The following SEC24D variants were observed in gnomAD, a reference collection of about 807,000 sequenced individuals.
SEC24D encodes SEC24 homolog D, COPII component, also known as protein transport protein Sec24D.
A neutral mutation model predicts 116.9 loss-of-function variants in SEC24D; 69 were observed. The ratio of observed to expected loss-of-function variants is 0.59; its 90% CI spans 0.49 to 0.72. The LOEUF (loss-of-function observed/expected upper bound fraction) is 0.72. Among genes scored for constraint, SEC24D ranks in the 30% least tolerant of loss-of-function variants. The pLI is 0.00. For missense variants in SEC24D, 1,131 were observed against 1,264.1 expected, an observed-to-expected ratio of 0.89 and a Z score of 1.60; for synonymous variants, 405 against 442.8, an observed-to-expected ratio of 0.91 and a Z score of 1.07.
chr4:118,813,100 G>C (rs528577725), intron 6 of SEC24D, among the ~76,000 whole-genome samples: 1 of 152,312 alleles, frequency 6.6e-6, no homozygotes, highest in South Asian at 2.1e-4. Context: ...TTCAGAGGAG[G>C]AGCTTATCCT....
At chr4:118,812,870 C>A (rs537738034) in intron 6 of SEC24D, among the ~76,000 whole-genome samples, 2 of 152,212 alleles carry the variant, frequency 1.3e-5, no homozygotes, top group African/African-American at 4.8e-5. Flanking sequence ...CCCTGTAACA[C>A]ACGCCCACTG....
intron 19 of SEC24D, among the ~76,000 whole-genome samples, chr4:118,734,439 C>G (rs1440871714): frequency 6.6e-6 from 1 of 152,030 alleles, no homozygotes; most frequent in African/African-American, 2.4e-5. Flanking sequence ...TCTCAAACTC[C>G]TGACCTCAAG....
intron 22 of SEC24D, among the ~76,000 whole-genome samples, chr4:118,725,884 A>G (rs544922696): frequency 6.6e-6 from 1 of 152,274 alleles, no homozygotes; most frequent in East Asian, 1.9e-4. Context: ...TCGTCTCTTC[A>G]AGGGGCACAC....
At chr4:118,822,685 C>T (rs1234165787) in intron 3 of SEC24D, among the ~76,000 whole-genome samples, 1 of 152,084 alleles carries the variant, frequency 6.6e-6, no homozygotes, top group African/African-American at 2.4e-5. Context: ...AATCCTCCCA[C>T]CTCAGCCTCC....
intron 8 of SEC24D, among the ~76,000 whole-genome samples, chr4:118,773,064 CCT>C (rs2110478001): frequency 6.6e-6 from 1 of 152,182 alleles, no homozygotes; most frequent in African/African-American, 2.4e-5. Flanking sequence ...CCTACTTTCC[CCT>C]CTCTTTCTAA....
At chr4:118,739,731 G>C (rs953406869) in intron 17 of SEC24D, among the ~76,000 whole-genome samples, 7 of 152,160 alleles carry the variant, frequency 4.6e-5, no homozygotes, top group Non-Finnish European at 1.0e-4. Flanking sequence ...AGAATGCATA[G>C]ATAGAAGCAT....
chr4:118,769,060 A>G lies in SEC24D; in HGVS notation c.1042-749T>C, dbSNP rs112443721. On this transcript the variant is annotated intron_variant, in intron 8 of 22. Transcript: ENST00000280551. Reference sequence around the variant, plus strand: ...TAGTTTGCATAGCAGTATGCTGTCTATGTAGTTCCCCCAAAGCACATAAAC... The same window carrying G: ...TAGTTTGCATAGCAGTATGCTGTCTGTGTAGTTCCCCCAAAGCACATAAAC... Among the ~76,000 whole-genome samples the G allele has an allele frequency of 9.1e-3, 1,386 of 152,306 alleles. 29 individuals are homozygous for G. Among genetic ancestry groups the G allele is most frequent in the African/African-American group, 0.032 (1,338 of 41,560 alleles).
chr4:118,735,168 G>A (rs1219347405), intron 19 of SEC24D, among the ~76,000 whole-genome samples: 2 of 152,142 alleles, frequency 1.3e-5, no homozygotes, highest in African/African-American at 4.8e-5. Context: ...TCTAATCAGA[G>A]GAGATTGGAT....
At chr4:118,806,414 C>A (rs959792345) in intron 6 of SEC24D, among the ~76,000 whole-genome samples, 67 of 151,906 alleles carry the variant, frequency 4.4e-4, no homozygotes, top group African/African-American at 1.6e-3. Flanking sequence ...TAGCTCACTG[C>A]AGCCTTCACC....
At chr4:118,832,423 T>C (rs1730899574) in intron 2 of SEC24D, among the ~76,000 whole-genome samples, 1 of 151,966 alleles carries the variant, frequency 6.6e-6, no homozygotes, top group African/African-American at 2.4e-5. Context: ...AACTATGGAG[T>C]GTAAACTATG....
intron 3 of SEC24D, among the ~76,000 whole-genome samples, chr4:118,821,911 C>A (rs1450376613): frequency 1.3e-5 from 2 of 152,212 alleles, no homozygotes; most frequent in Non-Finnish European, 2.9e-5. Context: ...AACCCCAATT[C>A]TAACCTTCAA....
chr4:118,733,005 T>C, intron 19 of SEC24D, 93 bp from the exon 20 acceptor site: 1 of 1,147,358 alleles, frequency 8.7e-7, no homozygotes, highest in Non-Finnish European at 1.3e-6. Context: ...TATTTGCTTC[T>C]GAACTTGTAA....
At chr4:118,782,974 G>A (rs1440996429) in intron 8 of SEC24D, among the ~76,000 whole-genome samples, 4 of 152,134 alleles carry the variant, frequency 2.6e-5, no homozygotes, top group Non-Finnish European at 5.9e-5. Context: ...CAGTATTTTG[G>A]TGGGGATGTT....
chr4:118,739,306 G>C lies in SEC24D; in HGVS notation c.2239-19C>G, dbSNP rs1420439313. ...CAGCACACTGTAGAAGCAACATTGA[G>C]GTCACATGTTTTTCTGATTAACATA... On this transcript the variant is annotated intron_variant, in intron 17 of 22. Transcript: ENST00000280551. 4 of 1,600,194 alleles carry C rather than the reference G, an allele frequency of 2.5e-6. No individual in the cohort carries two copies.
intron 8 of SEC24D, among the ~76,000 whole-genome samples, chr4:118,771,778 G>C (rs1163434761): frequency 6.6e-6 from 1 of 152,118 alleles, no homozygotes; most frequent in Non-Finnish European, 1.5e-5. Context: ...CTTCTTATTT[G>C]AATACATTAT....
In SEC24D at chr4:118,812,521, GC is replaced by G. The variant is rs575783658; in HGVS notation, c.801+2506del. ...ACATCAGCGGATAAAGATACAAGCA[GC>G]TGGACAGCGAGAGGACGTGGAGGGA... On this transcript the variant is annotated intron_variant, in intron 6 of 22. Coordinates refer to ENST00000280551, the MANE Select transcript of SEC24D (RefSeq NM_014822.4). 2.8e-4 allele frequency among the ~76,000 whole-genome samples: 42 copies of G among 152,242 alleles called. No homozygotes were observed. The South Asian group carries it at 8.5e-3, about 31-fold the overall frequency.
At chr4:118,746,050 C>G (rs1726509251) in intron 13 of SEC24D, among the ~76,000 whole-genome samples, 1 of 151,994 alleles carries the variant, frequency 6.6e-6, no homozygotes, top group Non-Finnish European at 1.5e-5. Context: ...GTGATGCATG[C>G]TTGTAGTCTC....
intron 7 of SEC24D, among the ~76,000 whole-genome samples, chr4:118,799,866 G>A (rs192462388): frequency 3.1e-4 from 47 of 152,204 alleles, no homozygotes; most frequent in African/African-American, 1.1e-3. Context: ...GTAGAGGGGT[G>A]GAAAGAAAAG....
At chr4:118,804,885 TACACACACACACACACACAC>T (rs71954957) in intron 7 of SEC24D, among the ~76,000 whole-genome samples, 6 of 140,910 alleles carry the variant, frequency 4.3e-5, no homozygotes, top group Admixed American at 7.0e-5. Context: ...TATGCATGCA[TACACACACACACACACACAC>T]ACACACACAC....
Sources: gnomAD v4.1 joint callset for allele counts (sites outside exome capture counted in the v4.1 genomes callset) on GRCh38, gnomAD v4.1.1 for gene constraint, MANE v1.5 for transcripts, NCBI Gene and HGNC (gene_info 2026-07-23, HGNC 2026-07-21) for gene names.